ADGRV1: variants seen among roughly 807,000 people sequenced by gnomAD.
ADGRV1 encodes the protein adhesion G protein-coupled receptor V1.
A neutral mutation model predicts 596.2 loss-of-function variants in ADGRV1; 359 were observed. The observed-to-expected ratio is 0.60, with a 90% confidence interval of 0.55 to 0.66. The LOEUF is 0.66. ADGRV1 is among the 30% of genes least tolerant of loss of function. The pLI is 0.00. For synonymous variants in ADGRV1, 2,681 were observed against 2,679.2 expected (o/e 1.00, Z -0.02); for missense variants, 7,274 against 7,575.6 (o/e 0.96, Z 1.48).
chr5:90,930,550 G>A (rs1581554153), intron 83 of ADGRV1, among the ~76,000 whole-genome samples: 1 of 152,202 alleles, frequency 6.6e-6, no homozygotes, highest in East Asian at 1.9e-4. Context: ...TTGTGTCTGA[G>A]TATTTATGTG....
intron 54 of ADGRV1, among the ~76,000 whole-genome samples, chr5:90,754,130 T>C (rs1755569046): frequency 6.6e-6 from 1 of 152,224 alleles, no homozygotes; most frequent in Admixed American, 6.5e-5. Flanking sequence ...ATCATTCATC[T>C]GTTCTCTTTC....
At chr5:90,643,187 T>C (rs1432149623) in intron 13 of ADGRV1, 146 bp downstream of exon 13, 1 of 656,062 alleles carries the variant, frequency 1.5e-6, no homozygotes, top group African/African-American at 1.8e-5. Flanking sequence ...TTGGAAAATT[T>C]TTAACAAAAG....
At chr5:90,881,876 C>T (rs1221266171) in intron 83 of ADGRV1, among the ~76,000 whole-genome samples, 1 of 151,944 alleles carries the variant, frequency 6.6e-6, no homozygotes, top group Non-Finnish European at 1.5e-5. Flanking sequence ...ATAGGCTCAA[C>T]TTTTTTCTTT....
At chr5:90,761,014 C>A (rs1376450217) in intron 58 of ADGRV1, among the ~76,000 whole-genome samples, 1 of 152,096 alleles carries the variant, frequency 6.6e-6, no homozygotes, top group Admixed American at 6.5e-5. Flanking sequence ...GCAACTTTTC[C>A]GGCCCCATAT....
intron 86 of ADGRV1, among the ~76,000 whole-genome samples, chr5:91,075,299 G>T (rs1424035954): frequency 6.6e-6 from 1 of 152,062 alleles, no homozygotes; most frequent in Non-Finnish European, 1.5e-5. Flanking sequence ...TAAGTGACAA[G>T]ATTTATTGTT....
chr5:91,000,083 G>A (rs1017946391), intron 85 of ADGRV1, among the ~76,000 whole-genome samples: 2 of 151,804 alleles, frequency 1.3e-5, no homozygotes, highest in African/African-American at 4.8e-5. Flanking sequence ...AAAAATCAGA[G>A]GTATCCTCAT....
Position 90,840,998 on chromosome 5 carries a change from G to A in ADGRV1, c.17019+13G>A, listed in dbSNP as rs770707939. ...TTTAATAGAAAAGGTAAGTTTTTGTGAATATTAGTAATTTGTTTAGTGAAA... is the reference window on the plus strand; with the variant it reads ...TTTAATAGAAAAGGTAAGTTTTTGTAAATATTAGTAATTTGTTTAGTGAAA... On this transcript the variant is annotated intron_variant, in intron 78 of 89. Coordinates refer to ENST00000405460, the MANE Select transcript of ADGRV1 (RefSeq NM_032119.4). The A allele has an allele frequency of 7.2e-7, 1 of 1,395,592 alleles. No individual in the cohort carries two copies. Among genetic ancestry groups the A allele is most frequent in the Non-Finnish European group, 9.3e-7 (1 of 1,069,598 alleles). The allele number at this position is 1,395,592 out of a possible 1,614,324, so 86.5% of individuals were successfully genotyped here.
chr5:90,923,266 T>C (rs1035951030), intron 83 of ADGRV1, among the ~76,000 whole-genome samples: 1 of 152,146 alleles, frequency 6.6e-6, no homozygotes, highest in African/African-American at 2.4e-5. Flanking sequence ...ACAAATATTA[T>C]AGTAAGGGCT....
intron 1 of ADGRV1, among the ~76,000 whole-genome samples, chr5:90,610,175 T>C (rs1406462294): frequency 6.6e-6 from 1 of 152,004 alleles, no homozygotes; most frequent in Non-Finnish European, 1.5e-5. Flanking sequence ...AGGAAGGTAC[T>C]GTCCTAGATA....
At chr5:90,683,548 C>G in intron 27 of ADGRV1, 38 bp from the exon 28 acceptor site, 1 of 1,465,316 alleles carries the variant, frequency 6.8e-7, no homozygotes. Context: ...TGGCTTTAAT[C>G]TCTCTTTTAA....
intron 61 of ADGRV1, among the ~76,000 whole-genome samples, chr5:90,777,096 G>A (rs1161466408): frequency 6.6e-6 from 1 of 152,170 alleles, no homozygotes; most frequent in African/African-American, 2.4e-5. Context: ...TCTGCAGGCT[G>A]TACAGGAAGC....
rs150586251 is a variant in ADGRV1, at chr5:91,133,328, T to A, written c.18433-16702T>A. 3.3e-5 allele frequency among the ~76,000 whole-genome samples: 5 copies of A among 152,294 alleles called. No individual in the cohort carries two copies. In the East Asian group the frequency reaches 9.6e-4, roughly 29 times the overall value. On this transcript the variant is annotated intron_variant, in intron 87 of 89. Transcript: ENST00000405460. Reference sequence around the variant, plus strand: ...AGGAGAGAGAAGGGGTCACCCTAGGTGGCCTGGGCCATCCTGGTGACTCAG... The same window carrying A: ...AGGAGAGAGAAGGGGTCACCCTAGGAGGCCTGGGCCATCCTGGTGACTCAG...
At position 90,811,010 on chromosome 5, in the gene ADGRV1, G is replaced by A; in HGVS notation, c.15750G>A (p.Gly5250=). The part of the protein sequence containing the change: ...TAEVLIRRTG[G]FTGNVSITVK... Reference sequence around the variant, plus strand: ...AAGTTCTTATCCGAAGAACTGGTGGGTTTACTGGCAATGTCAGCATAACAG... The same window carrying A: ...AAGTTCTTATCCGAAGAACTGGTGGATTTACTGGCAATGTCAGCATAACAG... Residue 5250 remains glycine (G), a synonymous_variant, in exon 74 of 90, where the codon GGG becomes GGA. Transcript: ENST00000405460. 1 of 1,614,016 alleles carries A rather than the reference G, an allele frequency of 6.2e-7. No individual in the cohort carries two copies. Among genetic ancestry groups the A allele is most frequent in the African/African-American group, 1.3e-5 (1 of 75,038 alleles).
chr5:91,065,569 G>C (rs539521210), intron 85 of ADGRV1, among the ~76,000 whole-genome samples: 1 of 152,134 alleles, frequency 6.6e-6, no homozygotes, highest in Non-Finnish European at 1.5e-5. Context: ...GGTTGTAAGC[G>C]GAGTTCATGT....
intron 85 of ADGRV1, among the ~76,000 whole-genome samples, chr5:91,011,687 T>C (rs1053430642): frequency 6.6e-6 from 1 of 151,980 alleles, no homozygotes; most frequent in African/African-American, 2.4e-5. Flanking sequence ...TCAAGTTATA[T>C]GTTTACGACA....
intron 1 of ADGRV1, among the ~76,000 whole-genome samples, chr5:90,578,588 C>G (rs1228927315): frequency 1.3e-5 from 2 of 152,116 alleles, no homozygotes; most frequent in South Asian, 2.1e-4. Flanking sequence ...TTTGTTGTGT[C>G]TCTGCCAGGC....
At chr5:90,700,244 T>C (rs1460325855) in intron 34 of ADGRV1, among the ~76,000 whole-genome samples, 1 of 152,178 alleles carries the variant, frequency 6.6e-6, no homozygotes, top group Non-Finnish European at 1.5e-5. Context: ...AATTGTGCCA[T>C]GTGAGCTTTT....
At chr5:90,970,851 C>A (rs6896506) in intron 84 of ADGRV1, among the ~76,000 whole-genome samples, 2 of 151,854 alleles carry the variant, frequency 1.3e-5, no homozygotes, top group Non-Finnish European at 2.9e-5. Context: ...CAAAGCTAGA[C>A]GGAGAATGAC....
chr5:91,117,505 C>T (rs1792954564), intron 87 of ADGRV1, among the ~76,000 whole-genome samples: 2 of 152,092 alleles, frequency 1.3e-5, no homozygotes, highest in Non-Finnish European at 2.9e-5. Flanking sequence ...CCATTTTACA[C>T]ATGGAGAAAC....
Sources: gnomAD v4.1 joint callset for allele counts (sites outside exome capture counted in the v4.1 genomes callset) on GRCh38, gnomAD v4.1.1 for gene constraint, MANE v1.5 for transcripts, NCBI Gene and HGNC (gene_info 2026-07-23, HGNC 2026-07-21) for gene names.